The following PPARGC1A variants were observed in gnomAD, a reference collection of about 807,000 sequenced individuals.
PPARGC1A encodes PPARG coactivator 1 alpha, also known as peroxisome proliferator-activated receptor gamma coactivator 1-alpha.
Under a neutral mutation model 88.7 loss-of-function variants are expected in PPARGC1A, and 25 were observed. The observed-to-expected ratio is 0.28, with a 90% CI of 0.21 to 0.39. PPARGC1A has a LOEUF of 0.39. Ranked by LOEUF, PPARGC1A falls within the 10% of genes least tolerant of loss-of-function variation. The pLI is 1.00. For missense variants in PPARGC1A, 880 were observed against 968.7 expected, an observed-to-expected ratio of 0.91 and a Z score of 1.22; for synonymous variants, 363 against 355.6, an observed-to-expected ratio of 1.02 and a Z score of -0.24.
the PPARGC1A span, among the ~76,000 whole-genome samples, chr4:24,270,864 C>A: frequency 1.3e-5 from 2 of 152,028 alleles, no homozygotes; most frequent in African/African-American, 2.4e-5. Context: ...TACAAATAAC[C>A]TTTGGATTAT....
the PPARGC1A span, among the ~76,000 whole-genome samples, chr4:24,080,369 A>C: frequency 6.6e-6 from 1 of 151,996 alleles, no homozygotes; most frequent in African/African-American, 2.4e-5. Flanking sequence ...TCAAAAAGTT[A>C]GTTATTAATT....
the PPARGC1A span, among the ~76,000 whole-genome samples, chr4:24,227,004 T>C: frequency 6.6e-6 from 1 of 152,148 alleles, no homozygotes; most frequent in African/African-American, 2.4e-5. Flanking sequence ...TGCACAGTAG[T>C]GGAACATGAA....
the PPARGC1A span, among the ~76,000 whole-genome samples, chr4:23,948,395 A>T: frequency 2.0e-5 from 3 of 152,310 alleles, no homozygotes; most frequent in East Asian, 5.8e-4. Flanking sequence ...CTCCTGTGTC[A>T]TGCTTCCTGT....
the PPARGC1A span, among the ~76,000 whole-genome samples, chr4:24,050,276 A>G: frequency 1.4e-5 from 2 of 145,308 alleles, no homozygotes; most frequent in Non-Finnish European, 3.0e-5. Context: ...GCTCACTGCA[A>G]CCTCTGCCTC....
At chr4:23,907,848 T>C (rs919132523), upstream of PPARGC1A, among the ~76,000 whole-genome samples, 2 of 152,174 alleles carry the variant, frequency 1.3e-5, no homozygotes, top group African/African-American at 4.8e-5. Flanking sequence ...TTTTATCCCA[T>C]GAAGTGGGCG....
chr4:24,002,068 TCACACACACACACA>T, the PPARGC1A span, among the ~76,000 whole-genome samples: 1 of 122,950 alleles, frequency 8.1e-6, no homozygotes, highest in South Asian at 3.0e-4. Flanking sequence ...GATGATAAAT[TCACACACACACACA>T]CACACACACA....
At chr4:23,984,277 A>G in the PPARGC1A span, among the ~76,000 whole-genome samples, 4 of 152,006 alleles carry the variant, frequency 2.6e-5, no homozygotes, top group Non-Finnish European at 4.4e-5. Flanking sequence ...GCTCTCATAG[A>G]TCTTTTTACT....
the PPARGC1A span, among the ~76,000 whole-genome samples, chr4:24,140,285 G>A: frequency 6.6e-6 from 1 of 152,312 alleles, no homozygotes; most frequent in East Asian, 1.9e-4. Flanking sequence ...AGAGATAAAG[G>A]TGGGGACAGA....
chr4:23,804,630 G>A (rs915866414), intron 10 of PPARGC1A, among the ~76,000 whole-genome samples: 12 of 152,194 alleles, frequency 7.9e-5, no homozygotes, highest in African/African-American at 2.9e-4. Context: ...ACAAGGCCCT[G>A]TATGGTCTGG....
chr4:24,228,927 C>A, the PPARGC1A span, among the ~76,000 whole-genome samples: 11 of 152,216 alleles, frequency 7.2e-5, no homozygotes, highest in Admixed American at 2.6e-4. Flanking sequence ...GTTGAAAATG[C>A]AGATATGCAG....
At chr4:24,410,855 G>A in the PPARGC1A span, among the ~76,000 whole-genome samples, 1 of 152,180 alleles carries the variant, frequency 6.6e-6, no homozygotes. Flanking sequence ...TTTGGCCACA[G>A]ACTGAAGGCT....
the PPARGC1A span, among the ~76,000 whole-genome samples, chr4:24,441,447 G>A: frequency 3.3e-5 from 5 of 152,208 alleles, no homozygotes; most frequent in Non-Finnish European, 7.3e-5. Context: ...AGCTACTGCA[G>A]TCTGACTGCT....
chr4:24,020,199 C>G, the PPARGC1A span, among the ~76,000 whole-genome samples: 1 of 152,138 alleles, frequency 6.6e-6, no homozygotes. Context: ...GTTTCTAAAA[C>G]CTATTGTTCA....
chr4:24,438,786 G>A, the PPARGC1A span, among the ~76,000 whole-genome samples: 107 of 151,812 alleles, frequency 7.0e-4, no homozygotes, highest in Middle Eastern at 3.4e-3. Flanking sequence ...ATCTGAGTCC[G>A]TTAGTGAAAG....
At chr4:23,918,590 A>T in the PPARGC1A span, among the ~76,000 whole-genome samples, 1 of 152,170 alleles carries the variant, frequency 6.6e-6, no homozygotes, top group Non-Finnish European at 1.5e-5. Context: ...CATGACAAAT[A>T]TTACTTATGG....
chr4:23,942,837 A>C, the PPARGC1A span, among the ~76,000 whole-genome samples: 1 of 152,166 alleles, frequency 6.6e-6, no homozygotes, highest in Non-Finnish European at 1.5e-5. Context: ...CTCTCCATCT[A>C]TGTTGGTCTC....
the PPARGC1A span, among the ~76,000 whole-genome samples, chr4:24,157,715 T>C: frequency 6.6e-6 from 1 of 152,048 alleles, no homozygotes; most frequent in African/African-American, 2.4e-5. Context: ...TTCCAAGAGC[T>C]CTGCTTCCAA....
At chr4:24,385,249 A>G in the PPARGC1A span, among the ~76,000 whole-genome samples, 211 of 152,304 alleles carry the variant, frequency 1.4e-3, 2 homozygotes, top group African/African-American at 5.0e-3. Context: ...AGCAGTGTTT[A>G]GAGGGAAATT....
At chr4:24,143,557 T>C in the PPARGC1A span, among the ~76,000 whole-genome samples, 222 of 152,276 alleles carry the variant, frequency 1.5e-3, 1 homozygote, top group African/African-American at 5.2e-3. Context: ...TGAATATAAA[T>C]AGCTTTTGTA....
Sources: allele counts gnomAD v4.1 joint callset (sites outside exome capture counted in the v4.1 genomes callset), GRCh38; gene constraint gnomAD v4.1.1; transcripts MANE v1.5; gene names NCBI Gene and HGNC (gene_info 2026-07-23, HGNC 2026-07-21).